ZRANB3: variants seen among roughly 807,000 people sequenced by gnomAD.
ZRANB3 encodes zinc finger RANBP2-type containing 3, also known as DNA annealing helicase and endonuclease ZRANB3.
A neutral mutation model predicts 133.8 loss-of-function variants in ZRANB3; 125 were observed. That is an observed-to-expected ratio of 0.93 (90% CI 0.81 to 1.08). ZRANB3 has a LOEUF of 1.08. Ranked by LOEUF, ZRANB3 falls within the 50% of genes least tolerant of loss-of-function variation. The probability of loss-of-function intolerance (pLI) is 0.00; values close to 1 mark genes in which losing one functional copy is unlikely to be tolerated. For synonymous variants in ZRANB3, 387 were observed against 432.7 expected (o/e 0.89, Z 1.31); for missense variants, 1,229 against 1,275.5 (o/e 0.96, Z 0.56).
At chr2:135,328,843 T>C (rs190249584) in intron 6 of ZRANB3, among the ~76,000 whole-genome samples, 134 of 152,370 alleles carry the variant, frequency 8.8e-4, no homozygotes, top group African/African-American at 2.8e-3. Flanking sequence ...ATGTGTCTGT[T>C]GGCTGCGTAA....
At chr2:135,434,026 G>A (rs1307341543) in intron 2 of ZRANB3, among the ~76,000 whole-genome samples, 1 of 152,086 alleles carries the variant, frequency 6.6e-6, no homozygotes, top group African/African-American at 2.4e-5. Context: ...GCCAGTTGTG[G>A]TGGTAGATGC....
chr2:135,255,733 G>A (rs745382900), intron 12 of ZRANB3, among the ~76,000 whole-genome samples: 20 of 151,934 alleles, frequency 1.3e-4, no homozygotes, highest in Non-Finnish European at 2.5e-4. Flanking sequence ...GATAGTCCTG[G>A]CTACTTGGGA....
At chr2:135,397,165 G>A (rs557877440) in intron 2 of ZRANB3, among the ~76,000 whole-genome samples, 3 of 151,822 alleles carry the variant, frequency 2.0e-5, no homozygotes, top group South Asian at 4.2e-4. Flanking sequence ...CCAAGAGACC[G>A]GACAAGGTGG....
intron 2 of ZRANB3, among the ~76,000 whole-genome samples, chr2:135,483,211 C>T: frequency 6.6e-6 from 1 of 151,874 alleles, no homozygotes; most frequent in East Asian, 1.9e-4. Flanking sequence ...CCTCCTTGTA[C>T]CTCTGGTAGA....
chr2:135,340,889 C>A lies in ZRANB3; in HGVS notation c.677+4661G>T, dbSNP rs1177035072. On this transcript the variant is annotated intron_variant, in intron 6 of 20. Transcript: ENST00000264159. ...CAGTAAAATCTTTATAATACCAAGT[C>A]TTTTCATCAAACAGGAGTATGTCTT... 1.3e-5 allele frequency among the ~76,000 whole-genome samples: 2 copies of A among 149,888 alleles called. 1 individual carries two copies. The highest frequency in any genetic ancestry group is 5.1e-5 in the African/African-American group (2 of 39,298).
chr2:135,528,004 T>C (rs1176374818), intron 1 of ZRANB3, among the ~76,000 whole-genome samples: 2 of 152,254 alleles, frequency 1.3e-5, no homozygotes, highest in Non-Finnish European at 2.9e-5. Flanking sequence ...CTCATCATTA[T>C]GTGTCTGGCA....
chr2:135,197,029 C>A lies in ZRANB3; in HGVS notation c.*3313G>T, dbSNP rs1207950977. On this transcript the variant is annotated 3_prime_UTR_variant, in exon 21 of 21. Transcript: ENST00000264159. ...CATTTCTCAATGGTAATTATGAACA[C>A]AACCAGGGTGGCAAAAACACCCTTA... 6 of 152,132 alleles carry A rather than the reference C, an allele frequency of 3.9e-5. No individual in the cohort carries two copies. Among genetic ancestry groups the A allele is most frequent in the Non-Finnish European group, 8.8e-5 (6 of 68,018 alleles). The allele number at this position is 152,132 out of a possible 1,614,324, so 9.4% of individuals were successfully genotyped here. A position where few individuals can be genotyped will look rare whatever the true frequency, so the allele number is the denominator to read the frequency against.
chr2:135,502,515 T>C (rs1220793595), intron 2 of ZRANB3, among the ~76,000 whole-genome samples: 4 of 152,200 alleles, frequency 2.6e-5, no homozygotes, highest in Non-Finnish European at 5.9e-5. Context: ...ATCCATTTCA[T>C]AGTTAACGAA....
intron 6 of ZRANB3, among the ~76,000 whole-genome samples, chr2:135,341,195 CTTG>C (rs1426390340): frequency 6.7e-6 from 1 of 149,404 alleles, no homozygotes; most frequent in African/African-American, 2.6e-5. Context: ...AATTTTTTTT[CTTG>C]TTGTTTCTTT....
Position 135,372,686 on chromosome 2 carries a change from C to A in ZRANB3, c.180+18116G>T, listed in dbSNP as rs575146391. ...CCTGTAGTCCCAGCTACTCAGGAGG[C>A]TGAGGCAGGAGAATGGTGTGAACCC... On this transcript the variant is annotated intron_variant, in intron 3 of 20. Transcript: ENST00000264159. 1.7e-4 allele frequency among the ~76,000 whole-genome samples: 26 copies of A among 151,288 alleles called. 1 individual carries two copies. Among genetic ancestry groups the A allele is most frequent in the Admixed American group, 1.1e-3 (16 of 15,124 alleles).
intron 2 of ZRANB3, among the ~76,000 whole-genome samples, chr2:135,473,387 C>G (rs528046379): frequency 2.0e-5 from 3 of 152,010 alleles, no homozygotes; most frequent in Non-Finnish European, 4.4e-5. Flanking sequence ...AGAATTTGAG[C>G]TGGGAAAAGG....
At chr2:135,337,017 A>T (rs1684399595) in intron 6 of ZRANB3, among the ~76,000 whole-genome samples, 1 of 152,196 alleles carries the variant, frequency 6.6e-6, no homozygotes, top group African/African-American at 2.4e-5. Flanking sequence ...TGAAACTCTG[A>T]ATCAAGATTG....
rs373989017 is a variant in ZRANB3, at chr2:135,230,924, C to T, written c.1543G>A (p.Glu515Lys). 65 of 1,538,324 alleles carry T rather than the reference C, an allele frequency of 4.2e-5. 1 individual carries two copies. The highest frequency in any genetic ancestry group is 3.5e-4 in the Middle Eastern group (2 of 5,712). The change falls in exon 13 of 21, where the codon GAA becomes AAA. Residue 515 changes from glutamate to lysine, a missense_variant. Physicochemically the swap from Glu to Lys is moderately conservative, Grantham distance 56. Coordinates refer to ENST00000264159, the MANE Select transcript of ZRANB3 (RefSeq NM_032143.4). ...CGAATATCATGCTGTTTTTCTTTTTCGAACTAGGAAAAGCAAACAGTAGTT... is the reference window on the plus strand; with the variant it reads ...CGAATATCATGCTGTTTTTCTTTTTTGAACTAGGAAAAGCAAACAGTAGTT... The part of the protein sequence containing the change: ...LRKEALFTHF[E>K]KEKQHDIRSF...
intron 2 of ZRANB3, among the ~76,000 whole-genome samples, chr2:135,422,608 G>C (rs531550335): frequency 2.6e-5 from 4 of 152,214 alleles, no homozygotes; most frequent in African/African-American, 7.2e-5. Context: ...GAAAAGAATG[G>C]GGAATTCTAC....
chr2:135,444,157 T>C (rs1317658521), intron 2 of ZRANB3, among the ~76,000 whole-genome samples: 2 of 151,772 alleles, frequency 1.3e-5, no homozygotes, highest in African/African-American at 2.4e-5. Context: ...GGAACCGTCA[T>C]ATGTTGCCAT....
At chr2:135,352,418 A>G (rs968384460) in intron 4 of ZRANB3, among the ~76,000 whole-genome samples, 1 of 152,084 alleles carries the variant, frequency 6.6e-6, no homozygotes, top group African/African-American at 2.4e-5. Context: ...AAAATTCTAC[A>G]TTCTCTAAAT....
chr2:135,367,843 T>A (rs1478659722), intron 3 of ZRANB3, among the ~76,000 whole-genome samples: 1 of 152,180 alleles, frequency 6.6e-6, no homozygotes, highest in Non-Finnish European at 1.5e-5. Flanking sequence ...ACTAAATATA[T>A]TATTGAATAA....
At chr2:135,381,931 A>C (rs1686719347) in intron 3 of ZRANB3, among the ~76,000 whole-genome samples, 2 of 152,216 alleles carry the variant, frequency 1.3e-5, no homozygotes, top group African/African-American at 4.8e-5. Context: ...TAAAAATCAG[A>C]GCGCCTCTCC....
intron 2 of ZRANB3, among the ~76,000 whole-genome samples, chr2:135,413,924 C>G (rs923525150): frequency 3.3e-5 from 5 of 151,866 alleles, no homozygotes; most frequent in Non-Finnish European, 7.4e-5. Context: ...TTTGTCACCA[C>G]CAGGCCTGCC....
Sources: gnomAD v4.1 joint callset for allele counts (sites outside exome capture counted in the v4.1 genomes callset) on GRCh38, gnomAD v4.1.1 for gene constraint, MANE v1.5 for transcripts, NCBI Gene and HGNC (gene_info 2026-07-23, HGNC 2026-07-21) for gene names.